The following DYRK1A variants were observed in gnomAD, a reference collection of about 807,000 sequenced individuals.
DYRK1A encodes dual specificity tyrosine phosphorylation regulated kinase 1A.
DYRK1A carries 9 observed loss-of-function variants against 79.7 expected under a neutral mutation model. That is an observed-to-expected ratio of 0.11 (90% confidence interval 0.07 to 0.20). The LOEUF (loss-of-function observed/expected upper bound fraction) is 0.20. Ranked by LOEUF, DYRK1A falls within the 10% of genes least tolerant of loss-of-function variation. The pLI is 1.00. For missense variants in DYRK1A, 622 were observed against 956.0 expected, an observed-to-expected ratio of 0.65 and a Z score of 4.61; for synonymous variants, 349 against 329.7, an observed-to-expected ratio of 1.06 and a Z score of -0.63.
At position 37,516,331 on chromosome 21, in the gene DYRK1A, G is replaced by T. The variant is rs950200985; in HGVS notation, c.*3800G>T. On this transcript the variant is annotated 3_prime_UTR_variant, in exon 12 of 12. Transcript: ENST00000647188. ...CTTCATTCAGATTTCTTAAAAATCT[G>T]CTAGGGATGTCTGTTGACCAGACGT... is the stretch of plus-strand genomic sequence containing the variant. 6.6e-6 allele frequency: 1 copy of T among 152,210 alleles called. No homozygotes were observed. The allele number at this position is 152,210 out of a possible 1,614,324, so 9.4% of individuals were successfully genotyped here.
At chr21:37,510,153 T>G (rs2053709263) in intron 11 of DYRK1A, among the ~76,000 whole-genome samples, 2 of 152,206 alleles carry the variant, frequency 1.3e-5, no homozygotes, top group Admixed American at 1.3e-4. Flanking sequence ...ACATAGACAT[T>G]TTATCTGTGA....
chr21:37,402,628 CT>C (rs935156726), intron 1 of DYRK1A, among the ~76,000 whole-genome samples: 2 of 151,294 alleles, frequency 1.3e-5, no homozygotes, highest in Non-Finnish European at 3.0e-5. Flanking sequence ...ATATTTATCC[CT>C]TTTTTTTTCT....
rs1206142942 is a variant in DYRK1A at position 37,519,209 on chromosome 21, A to G, written c.*6678A>G. 6.6e-6 allele frequency: 1 copy of G among 152,174 alleles called. No homozygotes were observed. Among genetic ancestry groups the G allele is most frequent in the Non-Finnish European group, 1.5e-5 (1 of 68,036 alleles). The allele number at this position is 152,174 out of a possible 1,614,324, so 9.4% of individuals were successfully genotyped here. ...ATTAGTTCCTTTATATCTCAGTCTCATCTGGTCTTGTAAGCCGGTGAAGGG... is the reference window on the plus strand; with the variant it reads ...ATTAGTTCCTTTATATCTCAGTCTCGTCTGGTCTTGTAAGCCGGTGAAGGG... On this transcript the variant is annotated 3_prime_UTR_variant, in exon 12 of 12. Coordinates refer to ENST00000647188, the MANE Select transcript of DYRK1A (RefSeq NM_001347721.2).
chr21:37,508,984 G>A (rs1006224029), intron 11 of DYRK1A, among the ~76,000 whole-genome samples: 7 of 152,036 alleles, frequency 4.6e-5, no homozygotes, highest in Admixed American at 1.3e-4. Context: ...ATAAGACACC[G>A]CGTTCTTCCC....
At chr21:37,452,757 GTTTTT>G (rs35209884) in intron 2 of DYRK1A, among the ~76,000 whole-genome samples, 5 of 96,540 alleles carry the variant, frequency 5.2e-5, no homozygotes, top group Admixed American at 1.2e-4. Flanking sequence ...TCACACTCCC[GTTTTT>G]TTTTTTTTTT....
intron 11 of DYRK1A, among the ~76,000 whole-genome samples, chr21:37,507,269 T>C (rs1601322799): frequency 1.3e-5 from 2 of 152,268 alleles, no homozygotes; most frequent in Admixed American, 1.3e-4. Flanking sequence ...CCTGATCCCC[T>C]CTCTCCTGCC....
chr21:37,387,007 C>T (rs2049773846), intron 1 of DYRK1A, among the ~76,000 whole-genome samples: 1 of 152,212 alleles, frequency 6.6e-6, no homozygotes, highest in African/African-American at 2.4e-5. Context: ...ACTGGGCACG[C>T]TCTCCTTGAG....
intron 6 of DYRK1A, chr21:37,488,402 T>C: frequency 2.7e-6 from 2 of 748,570 alleles, no homozygotes; most frequent in African/African-American, 1.9e-5. Context: ...TTTAAAGTGA[T>C]TGATGAGTCT....
rs758888181 is a variant in DYRK1A, at chr21:37,490,355, G to C, written c.818G>C (p.Ser273Thr). ...ALLFLATPELSIIHCDLKPEN... is the reference protein window; with the variant it reads ...ALLFLATPELTIIHCDLKPEN... ...CTTTTCCTTGCGACTCCAGAACTTA[G>C]TATCATTCACTGTGATCTAAAACCT... The change falls in exon 7 of 12, where the codon AGT becomes ACT. Residue 273 changes from serine (S) to threonine (T), a missense_variant. By Grantham distance (58) the Ser-to-Thr change is moderately conservative (BLOSUM62 1). Transcript: ENST00000647188. 1.9e-6 allele frequency: 3 copies of C among 1,613,586 alleles called. No individual in the cohort carries two copies. The highest frequency in any genetic ancestry group is 3.3e-5 in the Admixed American group (2 of 59,980).
At chr21:37,479,612 G>GTTTTTGTT (rs756471343) in intron 4 of DYRK1A, among the ~76,000 whole-genome samples, 3,305 of 46,972 alleles carry the variant, frequency 0.07, 534 homozygotes, top group Non-Finnish European at 0.074. Flanking sequence ...TTTTGTTTTT[G>GTTTTTGTT]TTTTTTGTTT....
At chr21:37,388,355 AT>A (rs907100835) in intron 1 of DYRK1A, among the ~76,000 whole-genome samples, 1 of 152,000 alleles carries the variant, frequency 6.6e-6, no homozygotes, top group Non-Finnish European at 1.5e-5. Flanking sequence ...AAGTGTTGAG[AT>A]TACAGGCATG....
At chr21:37,388,775 G>T (rs1264075140) in intron 1 of DYRK1A, among the ~76,000 whole-genome samples, 6 of 151,320 alleles carry the variant, frequency 4.0e-5, no homozygotes, top group African/African-American at 1.2e-4. Context: ...CTCCCGAGTA[G>T]CTGAGACTAC....
chr21:37,405,781 C>CT (rs1016262778), intron 1 of DYRK1A, among the ~76,000 whole-genome samples: 5 of 152,078 alleles, frequency 3.3e-5, no homozygotes, highest in African/African-American at 1.2e-4. Context: ...TGATTTTTGT[C>CT]TGTTTTGAAC....
intron 2 of DYRK1A, among the ~76,000 whole-genome samples, chr21:37,421,402 A>G (rs943011696): frequency 1.3e-4 from 20 of 152,088 alleles, no homozygotes; most frequent in African/African-American, 4.3e-4. Context: ...ACTATTTTGT[A>G]TGAAGAAATG....
At chr21:37,474,203 T>C (rs1397038700) in intron 3 of DYRK1A, among the ~76,000 whole-genome samples, 1 of 152,222 alleles carries the variant, frequency 6.6e-6, no homozygotes, top group Non-Finnish European at 1.5e-5. Flanking sequence ...TACAGCGGGC[T>C]AGGAAAACTT....
intron 2 of DYRK1A, among the ~76,000 whole-genome samples, chr21:37,441,340 A>G (rs148846440): frequency 6.6e-6 from 1 of 152,190 alleles, no homozygotes; most frequent in East Asian, 1.9e-4. Flanking sequence ...CTGGTCTGAA[A>G]TCTCTGCTTC....
chr21:37,427,402 G>T (rs567838851), intron 2 of DYRK1A, among the ~76,000 whole-genome samples: 43 of 152,338 alleles, frequency 2.8e-4, no homozygotes, highest in African/African-American at 1.0e-3. Flanking sequence ...GGGATTACAG[G>T]TGTGAGTCAC....
intron 11 of DYRK1A, 53 bp downstream of exon 11, chr21:37,506,276 G>A: frequency 1.2e-6 from 2 of 1,613,748 alleles, no homozygotes; most frequent in Non-Finnish European, 1.7e-6. Context: ...CTCAGGTGGA[G>A]CAGCACTGGA....
At position 37,366,778 on chromosome 21, in the gene DYRK1A, G is replaced by A. The variant is rs1446308465; in HGVS notation, c.-927G>A. On this transcript the variant is annotated 5_prime_UTR_variant, in exon 1 of 12. Transcript: ENST00000647188. ...TGATTGACAGTTGCTATAGCGACCGGGTCGGTCCGTCGCCATTTTGTTGGT... is the reference window on the plus strand; with the variant it reads ...TGATTGACAGTTGCTATAGCGACCGAGTCGGTCCGTCGCCATTTTGTTGGT... 2.6e-5 allele frequency among the ~76,000 whole-genome samples: 4 copies of A among 152,008 alleles called. No homozygotes were observed. Among genetic ancestry groups the A allele is most frequent in the Non-Finnish European group, 5.9e-5 (4 of 67,978 alleles).
Sources: allele counts gnomAD v4.1 joint callset (sites outside exome capture counted in the v4.1 genomes callset), GRCh38; gene constraint gnomAD v4.1.1; transcripts MANE v1.5; gene names NCBI Gene and HGNC (gene_info 2026-07-23, HGNC 2026-07-21).